Variants in MAML2 observed in about 807,000 individuals in gnomAD.
MAML2 encodes the protein mastermind-like protein 2.
In MAML2, 22 loss-of-function variants were observed where a neutral mutation model predicts 96.1. The ratio of observed to expected loss-of-function variants is 0.23; its 90% CI spans 0.16 to 0.33. The LOEUF (loss-of-function observed/expected upper bound fraction) is 0.33. Among genes scored for constraint, MAML2 ranks in the 10% least tolerant of loss-of-function variants. The pLI, the probability that MAML2 is intolerant of heterozygous loss-of-function variation, is 1.00. For synonymous variants in MAML2, 561 were observed against 521.3 expected, an observed-to-expected ratio of 1.08 and a Z score of -1.04; for missense variants, 1,367 against 1,392.4, an observed-to-expected ratio of 0.98 and a Z score of 0.29.
intron 1 of MAML2, among the ~76,000 whole-genome samples, chr11:96,297,635 C>CT (rs1225522160): frequency 6.6e-6 from 1 of 152,088 alleles, no homozygotes; most frequent in African/African-American, 2.4e-5. Context: ...GACCATTTCT[C>CT]TTCAAAAAAG....
intron 2 of MAML2, among the ~76,000 whole-genome samples, chr11:96,064,114 T>C (rs1372047247): frequency 6.6e-6 from 1 of 152,202 alleles, no homozygotes; most frequent in East Asian, 1.9e-4. Context: ...GCCAGGTTAG[T>C]ACCAAGGCTC....
At chr11:96,219,623 G>T (rs755278372) in intron 1 of MAML2, among the ~76,000 whole-genome samples, 22 of 152,006 alleles carry the variant, frequency 1.4e-4, no homozygotes, top group Non-Finnish European at 2.4e-4. Flanking sequence ...CTGAGTCTCA[G>T]TTCATTATTA....
At chr11:96,268,910 G>A (rs1210008703) in intron 1 of MAML2, among the ~76,000 whole-genome samples, 1 of 144,694 alleles carries the variant, frequency 6.9e-6, no homozygotes, top group Non-Finnish European at 1.5e-5. Context: ...TCTTAAGTAT[G>A]TCTTTATTGG....
At chr11:95,994,780 TA>T (rs1450317665) in intron 2 of MAML2, among the ~76,000 whole-genome samples, 2 of 152,218 alleles carry the variant, frequency 1.3e-5, no homozygotes, top group East Asian at 1.9e-4. Flanking sequence ...TGTTTTGGTT[TA>T]TTTTTTTAAG....
intron 1 of MAML2, among the ~76,000 whole-genome samples, chr11:96,157,987 T>C (rs750965756): frequency 7.9e-5 from 12 of 152,208 alleles, no homozygotes; most frequent in Non-Finnish European, 1.5e-4. Flanking sequence ...TCCCTTTCCA[T>C]TTTAATTCAG....
At chr11:96,336,038 A>T (rs12274853) in intron 1 of MAML2, among the ~76,000 whole-genome samples, 35,613 of 152,102 alleles carry the variant, frequency 0.23, 5,526 homozygotes, top group African/African-American at 0.43. Flanking sequence ...TGTATCAGGC[A>T]CTATGCTGAC....
chr11:96,092,668 G>T lies in MAML2; in HGVS notation c.1363C>A (p.Gln455Lys). 1 of 1,613,220 alleles carries T rather than the reference G, an allele frequency of 6.2e-7. No individual in the cohort carries two copies. The highest frequency in any genetic ancestry group is 8.5e-7 in the Non-Finnish European group (1 of 1,179,270). ...QHARMQQHQQ[Q>K]HQPTNWSALP... is the part of the protein sequence containing the mutation. ...GCTGACCAGTTGGTAGGCTGGTGCT[G>T]CTGCTGGTGCTGCTGCATCCGGGCA... Residue 455 changes from glutamine (Q) to lysine (K), a missense_variant, in exon 2 of 5, where the codon CAG becomes AAG. By Grantham distance (53) the Gln-to-Lys change is moderately conservative (BLOSUM62 1). Transcript: ENST00000524717. This position sits in a 1 kb window ranked among gnomAD's most constrained non-coding sequence, Gnocchi z 4.1.
chr11:96,117,356 C>T (rs1019176447), intron 1 of MAML2, among the ~76,000 whole-genome samples: 13 of 150,858 alleles, frequency 8.6e-5, no homozygotes, highest in Admixed American at 3.3e-4. Flanking sequence ...AGTACAGTGG[C>T]GTGATCTCAG....
At chr11:96,216,625 G>A (rs1157013996) in intron 1 of MAML2, among the ~76,000 whole-genome samples, 1 of 152,174 alleles carries the variant, frequency 6.6e-6, no homozygotes, top group Admixed American at 6.5e-5. Flanking sequence ...AAATGCTTAT[G>A]GATCATTTAG....
chr11:96,230,486 A>G (rs1195337997), intron 1 of MAML2, among the ~76,000 whole-genome samples: 5 of 152,240 alleles, frequency 3.3e-5, no homozygotes, highest in Non-Finnish European at 7.3e-5. Context: ...TAGAAGAACA[A>G]GGTTGTAACT....
At chr11:96,124,236 T>A (rs1028005374) in intron 1 of MAML2, among the ~76,000 whole-genome samples, 12 of 152,182 alleles carry the variant, frequency 7.9e-5, no homozygotes, top group Non-Finnish European at 1.5e-5. Context: ...GGCATTTATC[T>A]TCTCTCCCTC....
intron 1 of MAML2, among the ~76,000 whole-genome samples, chr11:96,245,906 T>C (rs1373676940): frequency 1.3e-5 from 2 of 152,090 alleles, no homozygotes; most frequent in African/African-American, 2.4e-5. Flanking sequence ...GGTTTCACCA[T>C]GTTGGTCAGC....
At chr11:96,081,054 C>T (rs1859522151) in intron 2 of MAML2, among the ~76,000 whole-genome samples, 1 of 152,124 alleles carries the variant, frequency 6.6e-6, no homozygotes. Flanking sequence ...CACTGGTTTG[C>T]AAACTAAGTC....
chr11:96,186,465 T>C (rs1261126356), intron 1 of MAML2, among the ~76,000 whole-genome samples: 4 of 152,160 alleles, frequency 2.6e-5, no homozygotes, highest in African/African-American at 9.7e-5. Context: ...GGTGCATGCC[T>C]ATAATCCCAG....
chr11:96,234,309 A>T (rs370028515), intron 1 of MAML2, among the ~76,000 whole-genome samples: 2 of 152,046 alleles, frequency 1.3e-5, no homozygotes, highest in East Asian at 1.9e-4. Context: ...TGGAGGAACC[A>T]TGTCTCTACT....
intron 1 of MAML2, among the ~76,000 whole-genome samples, chr11:96,216,747 T>A (rs1303871181): frequency 1.3e-5 from 2 of 152,184 alleles, no homozygotes; most frequent in African/African-American, 4.8e-5. Flanking sequence ...GGGAAGCAAC[T>A]GATTAGAAGC....
chr11:96,062,832 C>A (rs1024664245), intron 2 of MAML2, among the ~76,000 whole-genome samples: 1 of 152,138 alleles, frequency 6.6e-6, no homozygotes, highest in Non-Finnish European at 1.5e-5. Flanking sequence ...CCTTCTTTAA[C>A]TGTGACCCCT....
At chr11:96,107,587 C>T (rs1387751948) in intron 1 of MAML2, among the ~76,000 whole-genome samples, 2 of 152,158 alleles carry the variant, frequency 1.3e-5, no homozygotes, top group Non-Finnish European at 2.9e-5. Context: ...AATGAGATGA[C>T]TGATGGCTGG....
chr11:96,197,216 C>G (rs567886410), intron 1 of MAML2, among the ~76,000 whole-genome samples: 3 of 152,312 alleles, frequency 2.0e-5, no homozygotes, highest in African/African-American at 7.2e-5. Flanking sequence ...ATAATGAAAA[C>G]CAAAGAAGAT....
Sources: allele counts gnomAD v4.1 joint callset (sites outside exome capture counted in the v4.1 genomes callset), GRCh38; gene constraint gnomAD v4.1.1; non-coding constraint Gnocchi (gnomAD v3.1); transcripts MANE v1.5; gene names NCBI Gene and HGNC (gene_info 2026-07-23, HGNC 2026-07-21).